Variants in KANSL1 observed in about 807,000 individuals in gnomAD.
KANSL1 encodes the protein KAT8 regulatory NSL complex subunit 1, also known as MLL1/MLL complex subunit KANSL1.
A neutral mutation model predicts 103.6 loss-of-function variants in KANSL1; 22 were observed. That is an observed-to-expected ratio of 0.21 (90% CI 0.15 to 0.30). The LOEUF is 0.30. Ranked by LOEUF, KANSL1 falls within the 10% of genes least tolerant of loss-of-function variation. The pLI is 1.00. For missense variants in KANSL1, 1,337 were observed against 1,399.8 expected (o/e 0.96, Z 0.72); for synonymous variants, 600 against 527.6 (o/e 1.14, Z -1.88).
At chr17:46,167,691 ACTCT>A (rs906180817) in intron 2 of KANSL1, among the ~76,000 whole-genome samples, 1 of 152,182 alleles carries the variant, frequency 6.6e-6, no homozygotes, top group African/African-American at 2.4e-5. Context: ...AATTTAAAAA[ACTCT>A]CTCTAAAGTC....
rs1163407250 is a variant in KANSL1, at chr17:46,096,619, CCTGA to C, written c.1290-1922_1290-1919del. On this transcript the variant is annotated intron_variant, in intron 2 of 14. Transcript: ENST00000432791. ...ACAGGCACGAGCCACTGCACCCAGC[CCTGA>C]CTAACTTTTTTTTGAGACGGAGTCT... Among the ~76,000 whole-genome samples, 14 of 151,630 alleles carry C rather than the reference CCTGA, an allele frequency of 9.2e-5. No homozygotes were observed. In the South Asian group the frequency reaches 2.5e-3, roughly 27 times the overall value.
chr17:46,035,474 T>G (rs1160002343), intron 10 of KANSL1: 4 of 152,244 alleles, frequency 2.6e-5, no homozygotes, highest in Non-Finnish European at 4.4e-5. Flanking sequence ...TAACTTCAGA[T>G]GACCACAATG....
intron 3 of KANSL1, among the ~76,000 whole-genome samples, chr17:46,083,242 T>C (rs1157983449): frequency 6.6e-6 from 1 of 152,128 alleles, no homozygotes; most frequent in African/African-American, 2.4e-5. Context: ...AGGTATCTTA[T>C]TATTAAAAAA....
At chr17:46,122,826 A>G (rs9908639) in intron 2 of KANSL1, among the ~76,000 whole-genome samples, 80,974 of 151,008 alleles carry the variant, frequency 0.54, 21,919 homozygotes, top group East Asian at 0.89. Flanking sequence ...CACGAACCGC[A>G]CCCATAAAAG....
intron 6 of KANSL1, among the ~76,000 whole-genome samples, chr17:46,051,671 G>A (rs1313285650): frequency 6.6e-6 from 1 of 152,218 alleles, no homozygotes; most frequent in African/African-American, 2.4e-5. Flanking sequence ...AAACTTGCAT[G>A]TTGAATGGCA....
chr17:46,049,918 AC>A (rs1459868055), intron 7 of KANSL1: 4 of 147,152 alleles, frequency 2.7e-5, no homozygotes, highest in African/African-American at 7.3e-5. Flanking sequence ...CACAGACAAA[AC>A]TTTTTTTTTT....
chr17:46,210,736 G>A (rs531934146), intron 1 of KANSL1, among the ~76,000 whole-genome samples: 9 of 150,296 alleles, frequency 6.0e-5, no homozygotes, highest in South Asian at 2.1e-4. Context: ...AATACCACAC[G>A]AGTTGGAAAA....
chr17:46,082,521 C>T lies in KANSL1; in HGVS notation c.1453G>A (p.Val485Ile), dbSNP rs932292111. 3.1e-6 allele frequency: 5 copies of T among 1,610,520 alleles called. No homozygotes were observed. Among genetic ancestry groups the T allele is most frequent in the Non-Finnish European group, 4.2e-6 (5 of 1,177,268 alleles). The change falls in exon 4 of 15, where the codon GTA becomes ATA. Residue 485 changes from valine (V) to isoleucine (I), a missense_variant. Physicochemically the swap from Val to Ile is conservative, Grantham distance 29. Coordinates refer to ENST00000432791, the MANE Select transcript of KANSL1 (RefSeq NM_015443.4). The part of the protein sequence containing the change: ...ANKGLIVLGE[V>I]PPPEHTTDLF... ...TCTGTTGTATGCTCTGGGGGAGGTA[C>T]CTCCCCAAGAACTATCAACCCCTGC... is the stretch of plus-strand genomic sequence containing the variant.
intron 2 of KANSL1, among the ~76,000 whole-genome samples, chr17:46,159,077 G>C (rs1225339365): frequency 6.6e-6 from 1 of 152,314 alleles, no homozygotes; most frequent in East Asian, 1.9e-4. Context: ...AAGCAGGTGA[G>C]TAGGCCTGCT....
In KANSL1 at chr17:46,030,137, TTTTG is replaced by T. The variant is rs929549668; in HGVS notation, c.*1335_*1338del. 6.3e-4 allele frequency: 93 copies of T among 147,758 alleles called. 1 individual carries two copies. Among genetic ancestry groups the T allele is most frequent in the South Asian group, 6.3e-4 (3 of 4,750 alleles). 9.2% of individuals were successfully genotyped at this position (147,758 alleles called of 1,614,324 possible). A position where few individuals can be genotyped will look rare whatever the true frequency, so the allele number is the denominator to read the frequency against. ...AAATACAAGGTTTTTTTTTTCCATTTTTTGTTTTTGTTTTTTTTTTCAATGCTAA... is the reference window on the plus strand; with the variant it reads ...AAATACAAGGTTTTTTTTTTCCATTTTTTTTGTTTTTTTTTTCAATGCTAA... On this transcript the variant is annotated 3_prime_UTR_variant, in exon 15 of 15. Transcript: ENST00000432791.
intron 2 of KANSL1, among the ~76,000 whole-genome samples, chr17:46,167,176 G>A (rs1400563960): frequency 6.7e-6 from 1 of 150,282 alleles, no homozygotes; most frequent in Non-Finnish European, 1.5e-5. Flanking sequence ...TTAACAAGTA[G>A]TTACTATATA....
chr17:46,062,135 CAT>C (rs2078197499), intron 6 of KANSL1, among the ~76,000 whole-genome samples: 5 of 37,968 alleles, frequency 1.3e-4, no homozygotes, highest in African/African-American at 3.4e-4. Context: ...AAAAAAAAAA[CAT>C]GTTACAGCAG....
intron 6 of KANSL1, among the ~76,000 whole-genome samples, chr17:46,058,971 T>G (rs2078045022): frequency 6.7e-6 from 1 of 149,764 alleles, no homozygotes; most frequent in Non-Finnish European, 1.5e-5. Context: ...CGCTTGAACC[T>G]GGGAGATGGA....
At chr17:46,182,000 TA>T (rs2046817751) in intron 1 of KANSL1, among the ~76,000 whole-genome samples, 1 of 152,226 alleles carries the variant, frequency 6.6e-6, no homozygotes, top group African/African-American at 2.4e-5. Context: ...ATAATGCACT[TA>T]AAGTCACTGT....
chr17:46,072,092 T>C (rs1273233893), intron 4 of KANSL1, among the ~76,000 whole-genome samples: 2 of 151,568 alleles, frequency 1.3e-5, no homozygotes, highest in African/African-American at 4.8e-5. Flanking sequence ...CATTCATTAC[T>C]CCACTCTGGG....
intron 3 of KANSL1, among the ~76,000 whole-genome samples, chr17:46,084,697 TAAAAAAAA>T (rs67108405): frequency 2.0e-3 from 146 of 74,522 alleles, no homozygotes; most frequent in African/African-American, 7.0e-3. Context: ...TTTTAAAAAT[TAAAAAAAA>T]AAAAAAAAAA....
At position 46,032,034 on chromosome 17, in the gene KANSL1, C is replaced by G. The variant is rs1450231723; in HGVS notation, c.3090+13G>C. ...CAACCATGCCAACCCCACCCAAAGG[C>G]TGCGTCCCTTACCTGTTCATCCAGC... On this transcript the variant is annotated intron_variant, in intron 14 of 14. Transcript: ENST00000432791. 1 of 1,614,006 alleles carries G rather than the reference C, an allele frequency of 6.2e-7. No individual in the cohort carries two copies. Among genetic ancestry groups the G allele is most frequent in the Non-Finnish European group, 8.5e-7 (1 of 1,179,992 alleles).
chr17:46,148,461 G>A (rs1049742521), intron 2 of KANSL1, among the ~76,000 whole-genome samples: 4 of 152,114 alleles, frequency 2.6e-5, no homozygotes, highest in East Asian at 1.9e-4. Flanking sequence ...AACAGGAAAC[G>A]TTCCTATCTC....
intron 4 of KANSL1, among the ~76,000 whole-genome samples, chr17:46,072,570 C>T (rs903756213): frequency 6.6e-5 from 10 of 152,206 alleles, no homozygotes; most frequent in East Asian, 1.9e-4. Context: ...AGCATAGTTT[C>T]GCTTAAATTC....
Sources: allele counts gnomAD v4.1 joint callset (sites outside exome capture counted in the v4.1 genomes callset), GRCh38; gene constraint gnomAD v4.1.1; transcripts MANE v1.5; gene names NCBI Gene and HGNC (gene_info 2026-07-23, HGNC 2026-07-21).